The following SYTL2 variants were observed in gnomAD, a reference collection of about 807,000 sequenced individuals.
The protein encoded by SYTL2 is synaptotagmin like 2.
A neutral mutation model predicts 198.7 loss-of-function variants in SYTL2; 165 were observed. The observed-to-expected ratio is 0.83, with a 90% confidence interval of 0.73 to 0.94. The LOEUF is 0.94. Ranked by LOEUF, SYTL2 falls within the 40% of genes least tolerant of loss-of-function variation. SYTL2 has a pLI of 0.00. For synonymous variants in SYTL2, 966 were observed against 917.7 expected, an observed-to-expected ratio of 1.05 and a Z score of -0.95; for missense variants, 2,835 against 2,582.8, an observed-to-expected ratio of 1.10 and a Z score of -2.12.
chr11:85,793,704 C>T (rs1483614480), intron 1 of SYTL2, among the ~76,000 whole-genome samples: 2 of 152,128 alleles, frequency 1.3e-5, no homozygotes, highest in African/African-American at 4.8e-5. Context: ...TTCCAACAGA[C>T]AAAGAAATAG....
chr11:85,741,752 A>G (rs2090804581), intron 4 of SYTL2, among the ~76,000 whole-genome samples: 2 of 152,300 alleles, frequency 1.3e-5, no homozygotes, highest in South Asian at 2.1e-4. Flanking sequence ...TATCTACGAA[A>G]GACTTTCAGG....
chr11:85,820,295 A>G, the SYTL2 span, among the ~76,000 whole-genome samples: 5 of 152,366 alleles, frequency 3.3e-5, no homozygotes, highest in East Asian at 1.9e-4. Context: ...TTGATTTTCT[A>G]TGTAATCCTG....
chr11:85,716,093 T>A (rs1010652813), intron 11 of SYTL2, among the ~76,000 whole-genome samples: 2 of 152,222 alleles, frequency 1.3e-5, no homozygotes, highest in African/African-American at 2.4e-5. Flanking sequence ...GTAGTCTATG[T>A]GCCTTGACCA....
intron 19 of SYTL2, among the ~76,000 whole-genome samples, chr11:85,695,618 T>C (rs992042459): frequency 6.6e-6 from 1 of 152,214 alleles, no homozygotes; most frequent in African/African-American, 2.4e-5. Flanking sequence ...TTGGGAGGAC[T>C]CCTGCACTGG....
At chr11:85,839,456 T>A in the SYTL2 span, among the ~76,000 whole-genome samples, 1 of 152,070 alleles carries the variant, frequency 6.6e-6, no homozygotes, top group South Asian at 2.1e-4. Context: ...GTATGGGGGA[T>A]TGAGGGGAGG....
upstream of SYTL2, among the ~76,000 whole-genome samples, chr11:85,811,979 C>T (rs1276293606): frequency 6.6e-6 from 1 of 152,060 alleles, no homozygotes; most frequent in Non-Finnish European, 1.5e-5. Flanking sequence ...TGGTGGCGAG[C>T]GCCCGTAGTC....
chr11:85,756,301 C>A (rs2091862769), intron 2 of SYTL2, among the ~76,000 whole-genome samples: 1 of 152,192 alleles, frequency 6.6e-6, no homozygotes, highest in Non-Finnish European at 1.5e-5. Context: ...GTGTGCATTG[C>A]AAGGGACCTT....
intron 2 of SYTL2, among the ~76,000 whole-genome samples, chr11:85,755,369 G>C (rs2091800415): frequency 6.6e-6 from 1 of 152,150 alleles, no homozygotes; most frequent in Non-Finnish European, 1.5e-5. Context: ...TAACTAGAAA[G>C]TCTCTTGGGA....
the SYTL2 span, among the ~76,000 whole-genome samples, chr11:85,835,352 C>T: frequency 2.0e-5 from 3 of 152,130 alleles, no homozygotes; most frequent in Non-Finnish European, 4.4e-5. Flanking sequence ...ACTTCACTTA[C>T]TCCATCCTCT....
chr11:85,724,515 C>T lies in SYTL2; in HGVS notation c.4843G>A (p.Ala1615Thr). The T allele has an allele frequency of 6.2e-7, 1 of 1,613,936 alleles. No individual in the cohort carries two copies. The highest frequency in any genetic ancestry group is 8.5e-7 in the Non-Finnish European group (1 of 1,180,004). The part of the protein sequence containing the change: ...LGTVPHFYRA[A>T]SQTSEMKDKS... ...TCCTTCATTTCAGAGGTCTGTGAGG[C>T]TGCCCTGTAAAAATGGGGCACTGTC... Residue 1615 changes from alanine to threonine, a missense_variant, in exon 8 of 20, where the codon GCC becomes ACC. Ala to Thr is a moderately conservative substitution (Grantham distance 58). This residue lies in a region of SYTL2 where 2,645 missense variants were observed against 2,381.7 expected (regional missense o/e 1.11). Coordinates refer to ENST00000359152, the MANE Select transcript of SYTL2 (RefSeq NM_206927.4).
intron 1 of SYTL2, among the ~76,000 whole-genome samples, chr11:85,777,011 A>G (rs947150680): frequency 2.0e-5 from 3 of 152,220 alleles, no homozygotes; most frequent in Non-Finnish European, 2.9e-5. Flanking sequence ...AGATTCAGAC[A>G]AGTCACATGC....
intron 1 of SYTL2, among the ~76,000 whole-genome samples, chr11:85,807,380 C>T (rs1592095713): frequency 6.6e-6 from 1 of 152,162 alleles, no homozygotes; most frequent in South Asian, 2.1e-4. Context: ...TGTTTTATTG[C>T]CTCTATGTTT....
rs77360470 is a variant in SYTL2 at position 85,700,114 on chromosome 11, T to A, written c.6268+401A>T. ...CTATAAACTAAACTAAAAAAAAAAATGAGAACTTTCTTATAGAAACAGAAA... is the reference window on the plus strand; with the variant it reads ...CTATAAACTAAACTAAAAAAAAAAAAGAGAACTTTCTTATAGAAACAGAAA... On this transcript the variant is annotated intron_variant, in intron 17 of 19. Transcript: ENST00000359152. Among the ~76,000 whole-genome samples the A allele has an allele frequency of 1.4e-4, 21 of 150,866 alleles. No individual in the cohort carries two copies. The South Asian group carries it at 3.1e-3, about 23-fold the overall frequency.
chr11:85,725,340 C>T lies in SYTL2; in HGVS notation c.4018G>A (p.Val1340Ile), dbSNP rs752822942. 5 of 1,613,912 alleles carry T rather than the reference C, an allele frequency of 3.1e-6. No homozygotes were observed. In the South Asian group the frequency reaches 4.4e-5, roughly 14 times the overall value. ...DMLFPQDAHL[V>I]PQARVHPSQT... ...GAAGGGTGTACCCTAGCCTGGGGAA[C>T]AAGATGAGCATCCTGGGGAAAAAGC... The change falls in exon 8 of 20, where the codon GTT (valine) becomes ATT (isoleucine). Residue 1340 changes from valine (V) to isoleucine (I), a missense_variant. By Grantham distance (29) the Val-to-Ile change is conservative. Transcript: ENST00000359152.
Position 85,734,181 on chromosome 11 carries a change from T to C in SYTL2, c.1148A>G (p.Lys383Arg), listed in dbSNP as rs141605617. 3.3e-5 allele frequency: 53 copies of C among 1,614,038 alleles called. No homozygotes were observed. The Admixed American group carries it at 6.3e-4, about 19-fold the overall frequency. ...CGAAGGCTTTCTGTATTGAGAAGGC[T>C]TAGGGTCACTCTGAAACTCTTCTGT... ...GDTEEFQSDP[K>R]PSQYRKPSLF... The change falls in exon 7 of 20, where the codon AAG becomes AGG. Residue 383 changes from lysine (K) to arginine (R), a missense_variant. Lys to Arg is a conservative substitution (Grantham distance 26). Transcript: ENST00000359152.
chr11:85,756,709 T>C (rs1034195602), intron 2 of SYTL2, among the ~76,000 whole-genome samples: 1 of 152,344 alleles, frequency 6.6e-6, no homozygotes, highest in Non-Finnish European at 1.5e-5. Context: ...GTAGTCATAA[T>C]CAGACATTCT....
upstream of SYTL2, among the ~76,000 whole-genome samples, chr11:85,814,927 T>A (rs1453191706): frequency 1.3e-5 from 2 of 152,170 alleles, no homozygotes; most frequent in African/African-American, 4.8e-5. Context: ...TCCCATGGTG[T>A]ATTCCTCAAG....
intron 1 of SYTL2, among the ~76,000 whole-genome samples, chr11:85,802,434 A>G (rs1268875974): frequency 1.3e-5 from 2 of 151,994 alleles, no homozygotes; most frequent in Non-Finnish European, 2.9e-5. Flanking sequence ...CCCAGCCCTC[A>G]GTCTCTTCTT....
intron 1 of SYTL2, among the ~76,000 whole-genome samples, chr11:85,762,843 C>T (rs935757749): frequency 1.3e-5 from 2 of 152,144 alleles, no homozygotes; most frequent in Admixed American, 1.3e-4. Flanking sequence ...TCCCTACTTA[C>T]TCATGTTTGT....
Sources: gnomAD v4.1 joint callset for allele counts (sites outside exome capture counted in the v4.1 genomes callset) on GRCh38, gnomAD v4.1.1 for gene constraint, gnomAD v4.1.1 regional missense constraint, MANE v1.5 for transcripts, NCBI Gene and HGNC (gene_info 2026-07-23, HGNC 2026-07-21) for gene names.